Variants in ABR observed in about 807,000 individuals in gnomAD.
The protein encoded by ABR is ABR activator of RhoGEF and GTPase.
ABR carries 35 observed loss-of-function variants against 107.2 expected under a neutral mutation model. The observed-to-expected ratio is 0.33, with a 90% confidence interval of 0.25 to 0.43. ABR has a LOEUF of 0.43. Ranked by LOEUF, ABR falls within the 20% of genes least tolerant of loss-of-function variation. ABR has a pLI of 1.00. For missense variants in ABR, 815 were observed against 1,115.2 expected (o/e 0.73, Z 3.83); for synonymous variants, 498 against 462.0 (o/e 1.08, Z -1.00).
chr17:1,031,743 C>CG, intron 16 of ABR: 1 of 1,233,116 alleles, frequency 8.1e-7, no homozygotes, highest in Non-Finnish European at 1.0e-6. Context: ...GTCGGTCATG[C>CG]CGGGGGGGAC....
Position 1,179,824 on chromosome 17 carries a change from C to G in ABR, c.-97G>C. ...AGCCGGGGGAGGCCGAAGTTGCGAG[C>G]GCGGAGGGGCGAGGAGGCCGGGAAC... On this transcript the variant is annotated 5_prime_UTR_variant, in exon 1 of 23. Transcript: ENST00000302538. This position sits in a 1 kb window ranked among gnomAD's most constrained non-coding sequence, Gnocchi z 4.9. 8.0e-7 allele frequency: 1 copy of G among 1,257,430 alleles called. No homozygotes were observed. Among genetic ancestry groups the G allele is most frequent in the South Asian group, 1.8e-5 (1 of 55,058 alleles). The allele number at this position is 1,257,430 out of a possible 1,614,324, so 77.9% of individuals were successfully genotyped here.
chr17:1,166,278 CA>C (rs2151584140), intron 1 of ABR, among the ~76,000 whole-genome samples: 2 of 152,030 alleles, frequency 1.3e-5, no homozygotes, highest in South Asian at 4.2e-4. Context: ...GCTGCGGCCC[CA>C]TGCAGGGCTT....
At chr17:1,176,035 G>A (rs1016316316) in intron 1 of ABR, among the ~76,000 whole-genome samples, 15 of 152,042 alleles carry the variant, frequency 9.9e-5, no homozygotes, top group Non-Finnish European at 1.6e-4. Context: ...AGCTTGCAGC[G>A]AGCTGAGATA....
rs148773247 is a variant in ABR, at chr17:1,140,301, C to T, written c.62-14934G>A. 1.6e-3 allele frequency among the ~76,000 whole-genome samples: 250 copies of T among 152,276 alleles called. 2 individuals are homozygous for T. Among genetic ancestry groups the T allele is most frequent in the African/African-American group, 6.0e-3 (248 of 41,560 alleles). On this transcript the variant is annotated intron_variant, in intron 1 of 22. Coordinates refer to ENST00000302538, the MANE Select transcript of ABR (RefSeq NM_021962.5). ...GTTCCGGGGGAACAGACCCTAAGTC[C>T]AGGTGGAGACATGTCTGGACTGAGA... is the stretch of plus-strand genomic sequence containing the variant.
intron 6 of ABR, among the ~76,000 whole-genome samples, chr17:1,077,050 G>A (rs144158145): frequency 7.9e-5 from 12 of 152,314 alleles, no homozygotes; most frequent in African/African-American, 2.2e-4. Flanking sequence ...TGATTAAAAC[G>A]GGAAGCAATT....
chr17:1,162,431 A>T (rs909960630), intron 1 of ABR, among the ~76,000 whole-genome samples: 3 of 152,002 alleles, frequency 2.0e-5, no homozygotes, highest in African/African-American at 7.2e-5. Flanking sequence ...CCAGCAGGAG[A>T]TGAGAGGAAG....
chr17:1,008,644 G>T (rs779083337), intron 21 of ABR, among the ~76,000 whole-genome samples: 1 of 152,224 alleles, frequency 6.6e-6, no homozygotes, highest in Non-Finnish European at 1.5e-5. Context: ...CACCAGCCCC[G>T]GGCGCGTCCA....
At chr17:1,124,222 C>A (rs1006079475) in intron 2 of ABR, among the ~76,000 whole-genome samples, 1 of 151,000 alleles carries the variant, frequency 6.6e-6, no homozygotes, top group East Asian at 1.9e-4. Flanking sequence ...AGGGTTCAGG[C>A]GGCCTCAGCT....
rs527980931 is a variant in ABR at position 1,166,093 on chromosome 17, C to T, written c.61+13574G>A. Among the ~76,000 whole-genome samples, 5 of 151,326 alleles carry T rather than the reference C, an allele frequency of 3.3e-5. No homozygotes were observed. In the East Asian group the frequency reaches 7.8e-4, roughly 24 times the overall value. On this transcript the variant is annotated intron_variant, in intron 1 of 22. Transcript: ENST00000302538. The stretch of plus-strand genomic sequence containing the variant: ...GAGTGTCCGCACCCACCCTCCCCAG[C>T]GTGGTCCCACCTCTGCTCTCCCAGA...
chr17:1,062,068 C>T (rs1163706157), intron 10 of ABR, among the ~76,000 whole-genome samples: 1 of 152,160 alleles, frequency 6.6e-6, no homozygotes, highest in Non-Finnish European at 1.5e-5. Context: ...AGAAGCTTCC[C>T]AGGGGTGGTG....
intron 1 of ABR, among the ~76,000 whole-genome samples, chr17:1,169,167 G>A (rs985750623): frequency 1.3e-5 from 2 of 152,212 alleles, no homozygotes; most frequent in African/African-American, 4.8e-5. Context: ...GCCAGATGAT[G>A]CCTGAGCTTC....
chr17:1,078,104 GGTGTGTGT>G lies in ABR; in HGVS notation c.700+1218_700+1225del, dbSNP rs34146750. On this transcript the variant is annotated intron_variant, in intron 6 of 22. Coordinates refer to ENST00000302538, the MANE Select transcript of ABR (RefSeq NM_021962.5). The surrounding 1 kb of genome is among the most constrained non-coding windows in gnomAD (Gnocchi z 7.5). The stretch of plus-strand genomic sequence containing the variant: ...GTCCGGGTCCCTTCCACCGAAAGGT[GGTGTGTGT>G]GTGTGTGTGTGTGTGTGTGACCTTC... Among the ~76,000 whole-genome samples, 3 of 148,400 alleles carry G rather than the reference GGTGTGTGT, an allele frequency of 2.0e-5. No individual in the cohort carries two copies. Among genetic ancestry groups the G allele is most frequent in the Admixed American group, 6.7e-5 (1 of 14,952 alleles).
At chr17:1,190,383 C>T (rs2042405165), upstream of ABR, among the ~76,000 whole-genome samples, 3 of 152,308 alleles carry the variant, frequency 2.0e-5, no homozygotes, top group Non-Finnish European at 4.4e-5. Flanking sequence ...CCTGTAATCC[C>T]AGCACTTTGG....
At chr17:1,006,260 G>A in intron 22 of ABR, 91 bp from the exon 23 acceptor site, 2 of 1,191,326 alleles carry the variant, frequency 1.7e-6, no homozygotes, top group Non-Finnish European at 1.2e-6. Flanking sequence ...CCACTCCCTA[G>A]ACTGGCTCCG....
chr17:1,213,482 C>T (rs1387679981), intron 1 of ABR, among the ~76,000 whole-genome samples: 1 of 145,628 alleles, frequency 6.9e-6, no homozygotes, highest in East Asian at 2.1e-4. Context: ...CTCCGCCTCC[C>T]AGATCCACAC....
At position 1,158,332 on chromosome 17, in the gene ABR, G is replaced by A; in HGVS notation, c.61+21335C>T. On this transcript the variant is annotated intron_variant, in intron 1 of 22. Transcript: ENST00000302538. ...GCTGGTCTCAAACTCCTGGACTCAGGCAATCCAGCCGCCTCGGCCTCCCAG... is the reference window on the plus strand; with the variant it reads ...GCTGGTCTCAAACTCCTGGACTCAGACAATCCAGCCGCCTCGGCCTCCCAG... Among the ~76,000 whole-genome samples, 2 of 151,832 alleles carry A rather than the reference G, an allele frequency of 1.3e-5. 1 individual carries two copies. Among genetic ancestry groups the A allele is most frequent in the Non-Finnish European group, 2.9e-5 (2 of 67,966 alleles).
intron 1 of ABR, among the ~76,000 whole-genome samples, chr17:1,152,636 CACA>C (rs936393164): frequency 6.6e-6 from 1 of 151,866 alleles, no homozygotes; most frequent in Non-Finnish European, 1.5e-5. Flanking sequence ...ACTCCCGGCA[CACA>C]ACAAGTGCTC....
At chr17:1,197,851 G>A (rs948535748) in intron 1 of ABR, among the ~76,000 whole-genome samples, 1 of 151,592 alleles carries the variant, frequency 6.6e-6, no homozygotes, top group Non-Finnish European at 1.5e-5. Flanking sequence ...CAGTATCTAT[G>A]GTGTCCCCAC....
chr17:1,088,497 G>T (rs2036783912), intron 4 of ABR, among the ~76,000 whole-genome samples: 1 of 145,970 alleles, frequency 6.9e-6, no homozygotes, highest in African/African-American at 2.6e-5. Flanking sequence ...AATAATAATG[G>T]CACTGATGAT....
Sources: allele counts gnomAD v4.1 joint callset (sites outside exome capture counted in the v4.1 genomes callset), GRCh38; gene constraint gnomAD v4.1.1; non-coding constraint Gnocchi (gnomAD v3.1); transcripts MANE v1.5; gene names NCBI Gene and HGNC (gene_info 2026-07-23, HGNC 2026-07-21).